Variants in TMEM266 observed in about 807,000 individuals in gnomAD.
TMEM266 encodes the protein transmembrane protein 266, also known as Hv1 related protein 1.
A neutral mutation model predicts 50.5 loss-of-function variants in TMEM266; 33 were observed. That is an observed-to-expected ratio of 0.65 (90% confidence interval 0.50 to 0.87). The LOEUF is 0.87. TMEM266 is among the 40% of genes least tolerant of loss of function. The probability of loss-of-function intolerance (pLI) is 0.00; values close to 1 mark genes in which losing one functional copy is unlikely to be tolerated. For missense variants in TMEM266, 655 were observed against 695.1 expected, an observed-to-expected ratio of 0.94 and a Z score of 0.65; for synonymous variants, 310 against 292.3, an observed-to-expected ratio of 1.06 and a Z score of -0.62.
intron 2 of TMEM266, among the ~76,000 whole-genome samples, chr15:76,135,635 A>G (rs1051104352): frequency 1.3e-5 from 2 of 152,182 alleles, no homozygotes; most frequent in African/African-American, 2.4e-5. Flanking sequence ...ACACTTTTAT[A>G]TCAATTGTTG....
rs552753982 is a variant in TMEM266, at chr15:76,111,793, T to G, written c.-96-22375T>G. ...ACTCCTTGGTATTTACCCAAATGAGTTGAAATTGATGACTGTACAAAATCC... is the reference window on the plus strand; with the variant it reads ...ACTCCTTGGTATTTACCCAAATGAGGTGAAATTGATGACTGTACAAAATCC... On this transcript the variant is annotated intron_variant, in intron 1 of 10. Transcript: ENST00000388942. Among the ~76,000 whole-genome samples the G allele has an allele frequency of 1.2e-4, 19 of 152,334 alleles. 1 individual carries two copies. In the South Asian group the frequency reaches 3.7e-3, roughly 30 times the overall value.
intron 10 of TMEM266, 42 bp from the exon 11 acceptor site, chr15:76,203,699 G>A: frequency 6.4e-7 from 1 of 1,568,716 alleles, no homozygotes; most frequent in Non-Finnish European, 8.7e-7. Flanking sequence ...CCCAGGTGTG[G>A]CAGAGGTTGA....
chr15:76,068,215 C>A (rs1157691350), intron 1 of TMEM266, among the ~76,000 whole-genome samples: 1 of 152,200 alleles, frequency 6.6e-6, no homozygotes, highest in Admixed American at 6.5e-5. Flanking sequence ...TTTAAGGCCC[C>A]AACTTTGGGA....
chr15:76,065,479 C>CG (rs1567137582), intron 1 of TMEM266, among the ~76,000 whole-genome samples: 90 of 152,214 alleles, frequency 5.9e-4, no homozygotes, highest in African/African-American at 2.1e-3. Flanking sequence ...TAGCGGTGTC[C>CG]GTGTCTATCT....
At chr15:76,180,699 C>T (rs62030172) in intron 8 of TMEM266, among the ~76,000 whole-genome samples, 11,454 of 147,192 alleles carry the variant, frequency 0.078, 491 homozygotes, top group Middle Eastern at 0.12. Context: ...CTGCAACCTC[C>T]ACCTCCTGGG....
intron 8 of TMEM266, 96 bp downstream of exon 8, chr15:76,175,770 G>A: frequency 1.0e-6 from 1 of 965,602 alleles, no homozygotes; most frequent in South Asian, 1.5e-5. Flanking sequence ...GGGCACCAGA[G>A]GTCAGGGAGT....
chr15:76,120,368 G>A (rs1459225528), intron 1 of TMEM266, among the ~76,000 whole-genome samples: 2 of 152,178 alleles, frequency 1.3e-5, no homozygotes, highest in East Asian at 3.9e-4. Flanking sequence ...ACAAGATATT[G>A]TCAAATGGAA....
intron 9 of TMEM266, among the ~76,000 whole-genome samples, chr15:76,193,993 A>G (rs2038619449): frequency 6.6e-6 from 1 of 152,290 alleles, no homozygotes; most frequent in Admixed American, 6.5e-5. Flanking sequence ...CTGCAAGCCC[A>G]GGGCAGAATG....
intron 1 of TMEM266, among the ~76,000 whole-genome samples, chr15:76,103,565 T>C (rs1946814641): frequency 6.6e-6 from 1 of 152,118 alleles, no homozygotes; most frequent in African/African-American, 2.4e-5. Flanking sequence ...AGTGGAGATG[T>C]CTGGCGGGAG....
At chr15:76,072,714 T>G (rs1174983274) in intron 1 of TMEM266, among the ~76,000 whole-genome samples, 3 of 152,046 alleles carry the variant, frequency 2.0e-5, no homozygotes, top group African/African-American at 7.2e-5. Context: ...CTCGGCTTAC[T>G]GCAAGCTCTG....
intron 9 of TMEM266, among the ~76,000 whole-genome samples, chr15:76,196,156 CAGGCCTCCCAT>C (rs2038653161): frequency 1.3e-5 from 2 of 152,184 alleles, no homozygotes; most frequent in African/African-American, 4.8e-5. Flanking sequence ...AGGGCAGGCC[CAGGCCTCCCAT>C]AGAGGTGCCA....
In TMEM266 at chr15:76,170,532, C is replaced by T. The variant is rs1176456506; in HGVS notation, c.514-461C>T. Among the ~76,000 whole-genome samples the T allele has an allele frequency of 3.9e-5, 6 of 151,968 alleles. No homozygotes were observed. In the South Asian group the frequency reaches 8.3e-4, roughly 21 times the overall value. On this transcript the variant is annotated intron_variant, in intron 6 of 10. Transcript: ENST00000388942. ...CATTGTGCAGGCTGGGCCCACTTCT[C>T]ACCTAGCCCTGCCCCGCTGGAGAGT...
At chr15:76,105,355 C>T (rs992181670) in intron 1 of TMEM266, among the ~76,000 whole-genome samples, 4 of 152,208 alleles carry the variant, frequency 2.6e-5, no homozygotes, top group African/African-American at 7.2e-5. Flanking sequence ...CTGAGGCTTC[C>T]CTGGAACCTC....
rs771940083 is a variant in TMEM266, at chr15:76,077,266, C to T, written c.-97+17250C>T. On this transcript the variant is annotated intron_variant, in intron 1 of 10. Transcript: ENST00000388942. ...GATGTGAACCACCGTGCCTGGCCCT[C>T]GGATAACCTTTTAGAGGGATGTCAA... 2.6e-5 allele frequency among the ~76,000 whole-genome samples: 4 copies of T among 151,850 alleles called. 1 individual carries two copies. Among genetic ancestry groups the T allele is most frequent in the African/African-American group, 7.3e-5 (3 of 41,270 alleles).
intron 6 of TMEM266, among the ~76,000 whole-genome samples, chr15:76,170,480 C>T (rs890629324): frequency 6.6e-6 from 1 of 152,230 alleles, no homozygotes; most frequent in Non-Finnish European, 1.5e-5. Flanking sequence ...CTGGGGCAGG[C>T]GGACGGAAGG....
chr15:76,131,343 T>C lies in TMEM266; in HGVS notation c.-96-2825T>C, dbSNP rs59716814. 4.9e-3 allele frequency among the ~76,000 whole-genome samples: 753 copies of C among 152,340 alleles called. 7 individuals are homozygous for C. The highest frequency in any genetic ancestry group is 0.017 in the African/African-American group (714 of 41,590). On this transcript the variant is annotated intron_variant, in intron 1 of 10. Coordinates refer to ENST00000388942, the MANE Select transcript of TMEM266 (RefSeq NM_152335.3). Reference sequence around the variant, plus strand: ...GATCACGCCTCTGCTCACTGCTCTCTAGCCTGGGCAACAAGAGCGAAACTC... The same window carrying C: ...GATCACGCCTCTGCTCACTGCTCTCCAGCCTGGGCAACAAGAGCGAAACTC...
At chr15:76,134,118 G>C in intron 1 of TMEM266, 50 bp from the exon 2 acceptor site, 2 of 757,216 alleles carry the variant, frequency 2.6e-6, no homozygotes, top group South Asian at 3.6e-5. Flanking sequence ...GAGCTTAGGA[G>C]GACTTTGGTT....
At chr15:76,186,159 T>G (rs60371615) in intron 8 of TMEM266, among the ~76,000 whole-genome samples, 36,287 of 152,126 alleles carry the variant, frequency 0.24, 5,242 homozygotes, top group East Asian at 0.57. Context: ...GCGTGGGCTG[T>G]GGCCCCTGCT....
chr15:76,085,739 A>G (rs551612148), intron 1 of TMEM266, among the ~76,000 whole-genome samples: 7 of 152,322 alleles, frequency 4.6e-5, no homozygotes, highest in African/African-American at 1.7e-4. Context: ...AATATATGCC[A>G]AAAAAGACAT....
Sources: allele counts gnomAD v4.1 joint callset (sites outside exome capture counted in the v4.1 genomes callset), GRCh38; gene constraint gnomAD v4.1.1; transcripts MANE v1.5; gene names NCBI Gene and HGNC (gene_info 2026-07-23, HGNC 2026-07-21).